DNAJC6: variants seen among roughly 807,000 people sequenced by gnomAD.
DNAJC6 encodes the protein DnaJ heat shock protein family (Hsp40) member C6, also known as auxilin.
Under a neutral mutation model 110.0 loss-of-function variants are expected in DNAJC6, and 34 were observed. The ratio of observed to expected loss-of-function variants is 0.31; its 90% CI spans 0.24 to 0.41. The LOEUF (loss-of-function observed/expected upper bound fraction) is 0.41, where lower values mean the gene tolerates loss of function less well. Among genes scored for constraint, DNAJC6 ranks in the 10% least tolerant of loss-of-function variants. DNAJC6 has a pLI of 1.00. For missense variants in DNAJC6, 1,031 were observed against 1,207.8 expected, an observed-to-expected ratio of 0.85 and a Z score of 2.17; for synonymous variants, 406 against 437.2, an observed-to-expected ratio of 0.93 and a Z score of 0.89.
intron 1 of DNAJC6, among the ~76,000 whole-genome samples, chr1:65,357,518 A>G (rs1645554704): frequency 6.6e-6 from 1 of 152,202 alleles, no homozygotes. Flanking sequence ...GTTGGTGCCA[A>G]GTTGCTGCCC....
chr1:65,383,822 C>A (rs1217666968), intron 5 of DNAJC6, among the ~76,000 whole-genome samples: 2 of 152,134 alleles, frequency 1.3e-5, no homozygotes, highest in African/African-American at 4.8e-5. Flanking sequence ...ATGCCATATC[C>A]CAACAAGCAG....
rs143627102 is a variant in DNAJC6 at position 65,352,977 on chromosome 1, G to A, written c.194-11658G>A. Among the ~76,000 whole-genome samples the A allele has an allele frequency of 6.8e-3, 1,038 of 152,178 alleles. 10 individuals carry two copies. Among genetic ancestry groups the A allele is most frequent in the Middle Eastern group, 0.048 (14 of 294 alleles). Reference sequence around the variant, plus strand: ...CTCTCTTAAATGGAACTGAAATGTCGAACAGAAAATTTTTGCCTTATTTTT... The same window carrying A: ...CTCTCTTAAATGGAACTGAAATGTCAAACAGAAAATTTTTGCCTTATTTTT... On this transcript the variant is annotated intron_variant, in intron 1 of 18. Coordinates refer to ENST00000371069, the MANE Select transcript of DNAJC6 (RefSeq NM_001256864.2).
At position 65,364,523 on chromosome 1, in the gene DNAJC6, C is replaced by A; in HGVS notation, c.194-112C>A. 4 of 1,227,322 alleles carry A rather than the reference C, an allele frequency of 3.3e-6. No individual in the cohort carries two copies. In the African/African-American group the frequency reaches 4.6e-5, roughly 14 times the overall value. The allele number at this position is 1,227,322 out of a possible 1,614,324, so 76.0% of individuals were successfully genotyped here. A position where few individuals can be genotyped will look rare whatever the true frequency, so the allele number is the denominator to read the frequency against. On this transcript the variant is annotated intron_variant, in intron 1 of 18. Transcript: ENST00000371069. Reference sequence around the variant, plus strand: ...GACACAATTTCCAGGAATATCTGTCCCAGACTCTTAAAGACAGTCTGTGTA... The same window carrying A: ...GACACAATTTCCAGGAATATCTGTCACAGACTCTTAAAGACAGTCTGTGTA...
chr1:65,333,299 T>C (rs1645305092), intron 1 of DNAJC6, among the ~76,000 whole-genome samples: 1 of 152,132 alleles, frequency 6.6e-6, no homozygotes. Flanking sequence ...GTGAAATAAA[T>C]GGACTCGTAG....
At chr1:65,370,796 T>G (rs1319191162) in intron 4 of DNAJC6, among the ~76,000 whole-genome samples, 1 of 152,204 alleles carries the variant, frequency 6.6e-6, no homozygotes, top group Non-Finnish European at 1.5e-5. Context: ...ATTATCAACT[T>G]GGGTGTCTTA....
At chr1:65,395,746 A>G (rs1156574093) in intron 13 of DNAJC6, among the ~76,000 whole-genome samples, 3 of 152,220 alleles carry the variant, frequency 2.0e-5, no homozygotes, top group African/African-American at 7.2e-5. Context: ...CTGCTAGGAA[A>G]TATAAAATTA....
rs1208282398 is a variant in DNAJC6, at chr1:65,309,705, C to A, written c.-41C>A. The A allele has an allele frequency of 6.5e-7, 1 of 1,538,628 alleles. No individual in the cohort carries two copies. Among genetic ancestry groups the A allele is most frequent in the African/African-American group, 1.4e-5 (1 of 71,278 alleles). On this transcript the variant is annotated 5_prime_UTR_variant, in exon 1 of 19. Transcript: ENST00000371069. ...TTTCCACCTTCCATCTCCCTTTTCG[C>A]TTCCCAGGTTGATTATTTTCTCTTT...
chr1:65,365,767 G>T (rs1338164108), intron 2 of DNAJC6, 118 bp from the exon 3 acceptor site: 2 of 1,122,938 alleles, frequency 1.8e-6, no homozygotes, highest in African/African-American at 1.6e-5. Context: ...CTGGAGGGGA[G>T]TCGAAACATG....
intron 1 of DNAJC6, among the ~76,000 whole-genome samples, chr1:65,285,609 T>C (rs967427751): frequency 6.6e-6 from 1 of 152,118 alleles, no homozygotes; most frequent in Non-Finnish European, 1.5e-5. Flanking sequence ...TTCTCTAGTC[T>C]CCCATAGCTT....
intron 4 of DNAJC6, 29 bp downstream of exon 4, chr1:65,366,225 T>C (rs1173094518): frequency 6.2e-7 from 1 of 1,611,096 alleles, no homozygotes; most frequent in Non-Finnish European, 8.5e-7. Context: ...GAGATCATAC[T>C]GTTGAAGACG....
At position 65,358,082 on chromosome 1, in the gene DNAJC6, C is replaced by T. The variant is rs189293766; in HGVS notation, c.194-6553C>T. On this transcript the variant is annotated intron_variant, in intron 1 of 18. Transcript: ENST00000371069. ...TAATCCCAGCTTATCGGGAGGCCGA[C>T]GCAGGTGAATCACTTGAACCTGGGA... Among the ~76,000 whole-genome samples the T allele has an allele frequency of 2.2e-3, 326 of 147,912 alleles. 2 individuals carry two copies. The highest frequency in any genetic ancestry group is 7.8e-3 in the African/African-American group (312 of 39,986).
chr1:65,282,743 G>A (rs187059673), intron 1 of DNAJC6, among the ~76,000 whole-genome samples: 1 of 152,320 alleles, frequency 6.6e-6, no homozygotes, highest in African/African-American at 2.4e-5. Flanking sequence ...CCTGCAGTTT[G>A]TAGGGAATGA....
intron 16 of DNAJC6, 25 bp from the exon 17 acceptor site, chr1:65,408,616 A>C (rs199550498): frequency 1.9e-6 from 3 of 1,599,022 alleles, no homozygotes; most frequent in Middle Eastern, 1.7e-4. Context: ...GAAAACTGTA[A>C]TGATTTTCAA....
chr1:65,315,195 C>G (rs1222675749), intron 1 of DNAJC6, among the ~76,000 whole-genome samples: 1 of 152,104 alleles, frequency 6.6e-6, no homozygotes, highest in African/African-American at 2.4e-5. Flanking sequence ...TAATTTTCCT[C>G]TTTTCTAGGC....
chr1:65,305,645 C>T (rs572278092), upstream of DNAJC6, among the ~76,000 whole-genome samples: 35 of 152,172 alleles, frequency 2.3e-4, no homozygotes, highest in African/African-American at 6.7e-4. Context: ...CAAACATGAA[C>T]AAAACATGGA....
Position 65,311,215 on chromosome 1 carries a change from GTTTTTTTTTTTTT to G in DNAJC6, c.193+1292_193+1304del, listed in dbSNP as rs71056098. Among the ~76,000 whole-genome samples the G allele has an allele frequency of 8.3e-4, 57 of 68,888 alleles. 2 individuals are homozygous for G. In the East Asian group the frequency reaches 0.024, roughly 29 times the overall value. The allele number at this position is 68,888 out of a possible 152,430, so 45.2% of individuals were successfully genotyped here. ...CCAAGGGATTGATGGTTTCAGGACT[GTTTTTTTTTTTTT>G]TTTTTTTTTTTTTTGAGGCGGAGTC... On this transcript the variant is annotated intron_variant, in intron 1 of 18. Transcript: ENST00000371069.
chr1:65,283,439 CCT>C (rs1162676541), intron 1 of DNAJC6, among the ~76,000 whole-genome samples: 1 of 152,108 alleles, frequency 6.6e-6, no homozygotes, highest in Admixed American at 6.5e-5. Flanking sequence ...GCATAATTTC[CCT>C]GAGTTGCATC....
intron 1 of DNAJC6, 23 bp from the exon 2 acceptor site, chr1:65,364,612 T>G (rs768480015): frequency 6.5e-7 from 1 of 1,548,178 alleles, no homozygotes; most frequent in East Asian, 2.4e-5. Context: ...TTTTGTTTGT[T>G]TGTTTTTTTT....
intron 1 of DNAJC6, among the ~76,000 whole-genome samples, chr1:65,327,473 G>A (rs916947336): frequency 6.6e-6 from 1 of 152,262 alleles, no homozygotes; most frequent in Non-Finnish European, 1.5e-5. Context: ...CAAGGTTGGT[G>A]GCTCATGCTT....
Sources: gnomAD v4.1 joint callset for allele counts (sites outside exome capture counted in the v4.1 genomes callset) on GRCh38, gnomAD v4.1.1 for gene constraint, MANE v1.5 for transcripts, NCBI Gene and HGNC (gene_info 2026-07-23, HGNC 2026-07-21) for gene names.